The following GPBP1 variants were observed in gnomAD, a reference collection of about 807,000 sequenced individuals.
GPBP1 encodes the protein GC-rich promoter binding protein 1.
GPBP1 carries 13 observed loss-of-function variants against 56.5 expected under a neutral mutation model. That is an observed-to-expected ratio of 0.23 (90% CI 0.15 to 0.37). The LOEUF is 0.37. Among genes scored for constraint, GPBP1 ranks in the 10% least tolerant of loss-of-function variants. The pLI, the probability that GPBP1 is intolerant of heterozygous loss-of-function variation, is 1.00. For missense variants in GPBP1, 477 were observed against 572.3 expected (o/e 0.83, Z 1.70); for synonymous variants, 204 against 188.9 (o/e 1.08, Z -0.66).
At chr5:57,183,761 A>G (rs1315309134) in intron 2 of GPBP1, among the ~76,000 whole-genome samples, 2 of 141,718 alleles carry the variant, frequency 1.4e-5, no homozygotes, top group African/African-American at 5.1e-5. Context: ...CGGGGGGGAT[A>G]TGAATTTTTT....
At chr5:57,241,276 A>G (rs1489081258) in intron 6 of GPBP1, among the ~76,000 whole-genome samples, 1 of 152,218 alleles carries the variant, frequency 6.6e-6, no homozygotes, top group Non-Finnish European at 1.5e-5. Context: ...TTTACTTTGT[A>G]TTATATGTGG....
chr5:57,241,826 T>G (rs147394615), intron 6 of GPBP1, among the ~76,000 whole-genome samples: 2,350 of 152,310 alleles, frequency 0.015, 140 homozygotes, highest in East Asian at 0.098. Flanking sequence ...ATTTGGGGTC[T>G]TCTTCATATA....
chr5:57,185,481 T>C (rs939355461), intron 2 of GPBP1, among the ~76,000 whole-genome samples: 5 of 152,004 alleles, frequency 3.3e-5, no homozygotes, highest in Non-Finnish European at 1.5e-5. Flanking sequence ...ATTGGTCAGG[T>C]TGGTCTGGAA....
At chr5:57,248,401 T>G (rs1741191675) in intron 8 of GPBP1, among the ~76,000 whole-genome samples, 2 of 151,374 alleles carry the variant, frequency 1.3e-5, no homozygotes, top group African/African-American at 4.8e-5. Context: ...GGTACTGTAT[T>G]GGAACCCCTC....
At chr5:57,179,126 A>G (rs2111705142) in intron 2 of GPBP1, among the ~76,000 whole-genome samples, 1 of 152,342 alleles carries the variant, frequency 6.6e-6, no homozygotes, top group Non-Finnish European at 1.5e-5. Flanking sequence ...TCCAGAGCAC[A>G]TACTCAGCAC....
intron 2 of GPBP1, among the ~76,000 whole-genome samples, chr5:57,204,438 G>T (rs547552907): frequency 6.6e-6 from 1 of 152,146 alleles, no homozygotes; most frequent in Admixed American, 6.5e-5. Context: ...TTTTGATAGA[G>T]ATCGGATTTT....
chr5:57,249,559 C>T lies in GPBP1; in HGVS notation c.955C>T (p.Arg319Cys), dbSNP rs138655196. The change falls in exon 9 of 12, where the codon CGT becomes TGT. Residue 319 changes from arginine to cysteine, a missense_variant. By Grantham distance (180) the Arg-to-Cys change is radical. This residue lies in a region of GPBP1 where 414 missense variants were observed against 458.2 expected (regional missense o/e 0.90). Coordinates refer to ENST00000506184, the MANE Select transcript of GPBP1 (RefSeq NM_022913.4). ...AGAAGAGGAACATGAAGATGAAAGC[C>T]GTGCTGGCTCAGAGAAGGTAATTGA... Reference protein sequence around the residue: ...RVEEEHEDESRAGSEKDDDSF... With the variant: ...RVEEEHEDESCAGSEKDDDSF... 3.1e-4 allele frequency: 489 copies of T among 1,601,760 alleles called. 2 individuals carry two copies. The highest frequency in any genetic ancestry group is 8.4e-4 in the Admixed American group (47 of 56,202).
chr5:57,246,596 T>C, intron 7 of GPBP1, 112 bp downstream of exon 7: 1 of 800,912 alleles, frequency 1.2e-6, no homozygotes, highest in Non-Finnish European at 1.9e-6. Context: ...CGTGGGGTGC[T>C]GAGTTCTAGG....
intron 5 of GPBP1, among the ~76,000 whole-genome samples, chr5:57,233,403 A>G (rs1035490128): frequency 3.3e-5 from 5 of 152,182 alleles, no homozygotes; most frequent in Admixed American, 3.3e-4. Context: ...TTTACAGTAT[A>G]GTTGACCCTT....
At chr5:57,219,419 C>CAACA (rs1755848618) in intron 3 of GPBP1, among the ~76,000 whole-genome samples, 3 of 68,056 alleles carry the variant, frequency 4.4e-5, no homozygotes, top group Non-Finnish European at 5.9e-5. Flanking sequence ...AACAAACAAA[C>CAACA]AAAAAAAAAA....
intron 2 of GPBP1, among the ~76,000 whole-genome samples, chr5:57,190,332 C>T (rs944343588): frequency 6.6e-6 from 1 of 151,978 alleles, no homozygotes; most frequent in African/African-American, 2.4e-5. Context: ...TACCTGTAAT[C>T]CCAGCACTTT....
At chr5:57,234,225 CT>C (rs1339788201) in intron 5 of GPBP1, among the ~76,000 whole-genome samples, 2 of 152,118 alleles carry the variant, frequency 1.3e-5, no homozygotes, top group African/African-American at 4.8e-5. Flanking sequence ...TAAGTACCTT[CT>C]TTAAAAGAGG....
intron 10 of GPBP1, among the ~76,000 whole-genome samples, chr5:57,257,333 C>G (rs1278198479): frequency 6.6e-6 from 1 of 152,106 alleles, no homozygotes; most frequent in South Asian, 2.1e-4. Context: ...CTGCGCCTGG[C>G]CAGTGATAGG....
chr5:57,195,106 A>G lies in GPBP1; in HGVS notation c.-58+18706A>G, dbSNP rs1275917161. On this transcript the variant is annotated intron_variant, in intron 2 of 11. Transcript: ENST00000506184. ...TTTGCAATGAGAATAAAAATTTTCC[A>G]TGTATAAGATCAGTGTCTTTGAACT... Among the ~76,000 whole-genome samples the G allele has an allele frequency of 5.3e-5, 8 of 152,074 alleles. No individual in the cohort carries two copies. The East Asian group carries it at 1.4e-3, about 26-fold the overall frequency.
At chr5:57,231,388 C>G in intron 5 of GPBP1, 67 bp downstream of exon 5, 1 of 1,249,648 alleles carries the variant, frequency 8.0e-7, no homozygotes, top group Non-Finnish European at 1.1e-6. Context: ...ATTCTCCTGC[C>G]TCAGCCTCTC....
At chr5:57,213,746 CT>C (rs1561343744) in intron 2 of GPBP1, among the ~76,000 whole-genome samples, 2 of 152,032 alleles carry the variant, frequency 1.3e-5, no homozygotes, top group African/African-American at 4.8e-5. Context: ...GTCTAGTTGT[CT>C]ATTTGACTTT....
At chr5:57,232,347 C>T (rs1430400810) in intron 5 of GPBP1, among the ~76,000 whole-genome samples, 1 of 152,212 alleles carries the variant, frequency 6.6e-6, no homozygotes, top group African/African-American at 2.4e-5. Flanking sequence ...TTCTTAGAAG[C>T]AGTATTTATT....
intron 3 of GPBP1, among the ~76,000 whole-genome samples, chr5:57,220,348 A>G (rs1477878520): frequency 6.6e-6 from 1 of 151,966 alleles, no homozygotes; most frequent in Non-Finnish European, 1.5e-5. Flanking sequence ...TGATTAATTT[A>G]TATAGGCCCT....
intron 2 of GPBP1, among the ~76,000 whole-genome samples, chr5:57,202,027 T>A (rs1755042511): frequency 6.6e-6 from 1 of 152,204 alleles, no homozygotes; most frequent in African/African-American, 2.4e-5. Context: ...GGGGTCTCAC[T>A]TGGTTGCCTA....
Sources: allele counts gnomAD v4.1 joint callset (sites outside exome capture counted in the v4.1 genomes callset), GRCh38; gene constraint gnomAD v4.1.1; regional missense constraint gnomAD v4.1.1; transcripts MANE v1.5; gene names NCBI Gene and HGNC (gene_info 2026-07-23, HGNC 2026-07-21).